The following CEACAM7 variants were observed in gnomAD, a reference collection of about 807,000 sequenced individuals.
CEACAM7 encodes the protein cell adhesion molecule CEACAM7.
CEACAM7 carries 24 observed loss-of-function variants against 25.7 expected under a neutral mutation model. The ratio of observed to expected loss-of-function variants is 0.93; its 90% CI spans 0.68 to 1.31. The LOEUF (loss-of-function observed/expected upper bound fraction) is 1.31, where lower values mean the gene tolerates loss of function less well. Ranked by LOEUF, CEACAM7 falls within the 40% of genes most tolerant of loss-of-function variation. The probability of loss-of-function intolerance (pLI) is 0.00; values close to 1 mark genes in which losing one functional copy is unlikely to be tolerated. For missense variants in CEACAM7, 324 were observed against 330.1 expected (o/e 0.98, Z 0.14); for synonymous variants, 144 against 129.4 (o/e 1.11, Z -0.77).
chr19:41,687,277 G>C, intron 1 of CEACAM7, 56 bp from the exon 2 acceptor site: 1 of 1,522,196 alleles, frequency 6.6e-7, no homozygotes, highest in Non-Finnish European at 8.8e-7. Flanking sequence ...GGGGTGGAAA[G>C]ATGGGGCCCT....
At chr19:41,684,459 G>C (rs1860329) in intron 2 of CEACAM7, among the ~76,000 whole-genome samples, 5 of 151,992 alleles carry the variant, frequency 3.3e-5, no homozygotes, top group African/African-American at 1.2e-4. Context: ...CCCAGCCAAG[G>C]GGTGTTTCTC....
At chr19:41,679,712 C>G (rs2072152275) in intron 3 of CEACAM7, among the ~76,000 whole-genome samples, 1 of 151,754 alleles carries the variant, frequency 6.6e-6, no homozygotes, top group Admixed American at 6.6e-5. Flanking sequence ...TTCAGTATAA[C>G]TGCAAGATAC....
At chr19:41,681,450 G>A (rs1271088210) in intron 3 of CEACAM7, among the ~76,000 whole-genome samples, 1 of 152,166 alleles carries the variant, frequency 6.6e-6, no homozygotes, top group Non-Finnish European at 1.5e-5. Context: ...ATAATGGAGA[G>A]TAGGGCTTTG....
Position 41,687,014 on chromosome 19 carries a change from G to C in CEACAM7, c.272C>G (p.Ala91Gly). The change falls in exon 2 of 5, where the codon GCC becomes GGC. Residue 91 changes from alanine (A) to glycine (G), a missense_variant. Physicochemically the swap from Ala to Gly is moderately conservative, Grantham distance 60. Coordinates refer to ENST00000401731, the MANE Select transcript of CEACAM7 (RefSeq NM_001291485.2). ...GYVKNISQEN[A>G]PGPAHNGRET... is the part of the protein sequence containing the mutation. ...TCGACCGTTGTGTGCGGGCCCTGGGGCATTTTCTTGACTTATATTTTTTAC... is the reference window on the plus strand; with the variant it reads ...TCGACCGTTGTGTGCGGGCCCTGGGCCATTTTCTTGACTTATATTTTTTAC... 1 of 1,613,930 alleles carries C rather than the reference G, an allele frequency of 6.2e-7. No individual in the cohort carries two copies.
chr19:41,687,036 T>A lies in CEACAM7; in HGVS notation c.250A>T (p.Lys84Ter), dbSNP rs374364808. The change falls in exon 2 of 5, where the codon AAA becomes TAA. Residue 84 changes from lysine to a stop codon, truncating the protein, a stop_gained. Transcript: ENST00000401731. LOFTEE classifies it high-confidence loss of function. ...HANYRIIGYV[K>*]NISQENAPGP... ...GGGGCATTTTCTTGACTTATATTTT[T>A]TACATATCCTATAATTCGATAGTTG... 6.2e-7 allele frequency: 1 copy of A among 1,614,140 alleles called. No homozygotes were observed. Among genetic ancestry groups the A allele is most frequent in the Non-Finnish European group, 8.5e-7 (1 of 1,180,000 alleles).
intron 4 of CEACAM7, among the ~76,000 whole-genome samples, chr19:41,676,505 T>C (rs1183932421): frequency 1.3e-5 from 2 of 152,212 alleles, no homozygotes; most frequent in Non-Finnish European, 2.9e-5. Context: ...GGATGACAGT[T>C]GTGAGCCAAT....
At position 41,673,883 on chromosome 19, in the gene CEACAM7, G is replaced by T. The variant is rs1291438910; in HGVS notation, c.*893C>A. 1 of 152,162 alleles carries T rather than the reference G, an allele frequency of 6.6e-6. No individual in the cohort carries two copies. Among genetic ancestry groups the T allele is most frequent in the Non-Finnish European group, 1.5e-5 (1 of 68,024 alleles). The allele number at this position is 152,162 out of a possible 1,614,324, so 9.4% of individuals were successfully genotyped here. On this transcript the variant is annotated 3_prime_UTR_variant, in exon 5 of 5. Coordinates refer to ENST00000401731, the MANE Select transcript of CEACAM7 (RefSeq NM_001291485.2). The stretch of plus-strand genomic sequence containing the variant: ...GTTTTAGAGAATACAGCACACCAGG[G>T]TAACTAATATTGTGACAATCAGGAG...
chr19:41,685,216 G>T (rs1193880667), intron 2 of CEACAM7, among the ~76,000 whole-genome samples: 1 of 152,178 alleles, frequency 6.6e-6, no homozygotes, highest in Non-Finnish European at 1.5e-5. Context: ...CTGGCCCCCT[G>T]GTGAGTCAGT....
Position 41,683,778 on chromosome 19 carries a change from TACTC to T in CEACAM7, c.706+3_706+6del. 2 of 1,613,846 alleles carry T rather than the reference TACTC, an allele frequency of 1.2e-6. No homozygotes were observed. The highest frequency in any genetic ancestry group is 1.7e-6 in the Non-Finnish European group (2 of 1,179,780). ...GCCTGGGCCACAGAGGAACAGAAGA[TACTC>T]ACAGCGGACATTCAGGGTGACTGGG... On this transcript the variant is annotated splice_donor_5th_base_variant and intron_variant, in intron 3 of 4. Coordinates refer to ENST00000401731, the MANE Select transcript of CEACAM7 (RefSeq NM_001291485.2).
chr19:41,681,064 A>G (rs1289549711), intron 3 of CEACAM7, among the ~76,000 whole-genome samples: 1 of 152,232 alleles, frequency 6.6e-6, no homozygotes, highest in Non-Finnish European at 1.5e-5. Flanking sequence ...AACTAATATA[A>G]CTCAACAGCA....
At chr19:41,683,668 G>A (rs1369837540) in intron 3 of CEACAM7, 117 bp downstream of exon 3, 38 of 1,447,950 alleles carry the variant, frequency 2.6e-5, no homozygotes, top group Admixed American at 1.2e-4. Flanking sequence ...TGGCCAGCCT[G>A]GGTGCCTAGA....
chr19:41,688,114 G>C lies in CEACAM7; in HGVS notation c.52C>G (p.Leu18Val). 6.2e-7 allele frequency: 1 copy of C among 1,611,192 alleles called. No individual in the cohort carries two copies. The highest frequency in any genetic ancestry group is 1.1e-5 in the South Asian group (1 of 90,822). Reference sequence around the variant, plus strand: ...GTCCTCCCCTCACCTGTGAGCAGGAGCCCCTGCCAGGGAATGCACACTCTG... The same window carrying C: ...GTCCTCCCCTCACCTGTGAGCAGGACCCCCTGCCAGGGAATGCACACTCTG... ...PYRVCIPWQG[L>V]LLTASLLTFW... is the part of the protein sequence containing the mutation. The change falls in exon 1 of 5, where the codon CTC (leucine) becomes GTC (valine). Residue 18 changes from leucine to valine, a missense_variant. By Grantham distance (32) the Leu-to-Val change is conservative. Transcript: ENST00000401731.
chr19:41,683,029 T>A (rs940294806), intron 3 of CEACAM7, among the ~76,000 whole-genome samples: 2 of 152,188 alleles, frequency 1.3e-5, no homozygotes, highest in Non-Finnish European at 2.9e-5. Flanking sequence ...GAATTTGGGA[T>A]CTGCTTGTGC....
At chr19:41,678,544 C>T (rs1555810375) in intron 3 of CEACAM7, among the ~76,000 whole-genome samples, 1 of 152,084 alleles carries the variant, frequency 6.6e-6, no homozygotes, top group East Asian at 1.9e-4. Flanking sequence ...TCCTATGTGT[C>T]AGGCCCTGTG....
intron 4 of CEACAM7, among the ~76,000 whole-genome samples, chr19:41,674,992 G>A (rs527358180): frequency 2.0e-5 from 3 of 152,254 alleles, no homozygotes; most frequent in African/African-American, 7.2e-5. Context: ...TTGCTGGAAG[G>A]TTTGATAAGG....
chr19:41,675,735 CAGATTTGAT>C (rs2072107306), intron 4 of CEACAM7, among the ~76,000 whole-genome samples: 1 of 152,256 alleles, frequency 6.6e-6, no homozygotes, highest in African/African-American at 2.4e-5. Flanking sequence ...GATAAGACTT[CAGATTTGAT>C]AGATTTGATG....
chr19:41,676,188 T>C (rs182082268), intron 4 of CEACAM7, among the ~76,000 whole-genome samples: 1 of 152,360 alleles, frequency 6.6e-6, no homozygotes, highest in Non-Finnish European at 1.5e-5. Flanking sequence ...GCTTAAATAA[T>C]AACGCCTTGG....
intron 2 of CEACAM7, among the ~76,000 whole-genome samples, chr19:41,684,859 A>C (rs1282273512): frequency 6.6e-6 from 1 of 152,220 alleles, no homozygotes; most frequent in Non-Finnish European, 1.5e-5. Context: ...AAATCCCAAC[A>C]CAGGCATGAG....
At chr19:41,686,713 C>G (rs1165459443) in intron 2 of CEACAM7, 146 bp downstream of exon 2, 13 of 819,714 alleles carry the variant, frequency 1.6e-5, no homozygotes, top group Middle Eastern at 3.4e-4. Flanking sequence ...GTTTGTCTCC[C>G]CCATGTGTGT....
Sources: allele counts gnomAD v4.1 joint callset (sites outside exome capture counted in the v4.1 genomes callset), GRCh38; gene constraint gnomAD v4.1.1; transcripts MANE v1.5; gene names NCBI Gene and HGNC (gene_info 2026-07-23, HGNC 2026-07-21).